Variants in TMEM45B observed in about 807,000 individuals in gnomAD.
The protein encoded by TMEM45B is transmembrane protein 45B.
In TMEM45B, 29 loss-of-function variants were observed where a neutral mutation model predicts 27.3. That is an observed-to-expected ratio of 1.06 (90% confidence interval 0.79 to 1.45). The LOEUF is 1.45. TMEM45B is among the 40% of genes most tolerant of loss of function. TMEM45B has a pLI of 0.00. For missense variants in TMEM45B, 348 were observed against 343.9 expected, an observed-to-expected ratio of 1.01 and a Z score of -0.09; for synonymous variants, 143 against 134.7, an observed-to-expected ratio of 1.06 and a Z score of -0.43.
At chr11:129,830,969 G>A (rs999791321) in intron 1 of TMEM45B, among the ~76,000 whole-genome samples, 2 of 152,236 alleles carry the variant, frequency 1.3e-5, no homozygotes, top group African/African-American at 4.8e-5. Context: ...TTTATCTGCA[G>A]GGGATATGTT....
At chr11:129,847,407 A>ATTTTTTTTTAT (rs1947775248) in intron 1 of TMEM45B, among the ~76,000 whole-genome samples, 1 of 67,882 alleles carries the variant, frequency 1.5e-5, no homozygotes. Context: ...TTATGAAGTT[A>ATTTTTTTTTAT]TTTTTTTTTA....
chr11:129,832,596 T>C lies in TMEM45B; in HGVS notation c.-9+16698T>C, dbSNP rs949521540. ...AATTTGTATGGGATTTCGTGGGGGG[T>C]TGGTAAAAGCATTTTAAAATTGAAT... On this transcript the variant is annotated intron_variant, in intron 1 of 5. Coordinates refer to ENST00000281441, the MANE Select transcript of TMEM45B (RefSeq NM_138788.5). Among the ~76,000 whole-genome samples the C allele has an allele frequency of 4.9e-5, 7 of 142,938 alleles. No individual in the cohort carries two copies. The Admixed American group carries it at 5.1e-4, about 10-fold the overall frequency. 93.8% of individuals were successfully genotyped at this position (142,938 alleles called of 152,430 possible). A position where few individuals can be genotyped will look rare whatever the true frequency, so the allele number is the denominator to read the frequency against.
intron 1 of TMEM45B, among the ~76,000 whole-genome samples, chr11:129,844,161 A>C (rs1331279455): frequency 6.6e-6 from 1 of 152,218 alleles, no homozygotes; most frequent in Non-Finnish European, 1.5e-5. Flanking sequence ...ACATGGATGA[A>C]CCTTGAAGAC....
At chr11:129,819,251 A>G (rs1184775381) in intron 1 of TMEM45B, among the ~76,000 whole-genome samples, 2 of 152,244 alleles carry the variant, frequency 1.3e-5, no homozygotes, top group African/African-American at 4.8e-5. Context: ...AAAAAGTGTG[A>G]GATGTCATTA....
chr11:129,836,513 A>G (rs1009038367), intron 1 of TMEM45B, among the ~76,000 whole-genome samples: 2 of 152,140 alleles, frequency 1.3e-5, no homozygotes, highest in African/African-American at 2.4e-5. Flanking sequence ...TCCAAATTCA[A>G]ATGTTGAAGT....
At position 129,852,645 on chromosome 11, in the gene TMEM45B, T is replaced by C; in HGVS notation, c.163T>C (p.Leu55=). Residue 55 remains leucine, a synonymous_variant, in exon 2 of 6, where the codon TTG becomes CTG. Coordinates refer to ENST00000281441, the MANE Select transcript of TMEM45B (RefSeq NM_138788.5). ...LEIVEAAIRT[L]FSVTGILAEQ... is the part of the protein sequence containing the mutation. ...GATCGTCGAAGCCGCAATTAGGACT[T>C]TGTTTTCCGTCACTGGTAAGAGCAG... 16 of 1,606,056 alleles carry C rather than the reference T, an allele frequency of 1.0e-5. No individual in the cohort carries two copies. The highest frequency in any genetic ancestry group is 1.4e-5 in the Non-Finnish European group (16 of 1,173,220).
chr11:129,842,548 G>A (rs1460870013), intron 1 of TMEM45B, among the ~76,000 whole-genome samples: 3 of 152,108 alleles, frequency 2.0e-5, no homozygotes, highest in Non-Finnish European at 4.4e-5. Flanking sequence ...GGAAAGAATA[G>A]TATCTTCAAT....
At chr11:129,849,196 A>G (rs1947809861) in intron 1 of TMEM45B, among the ~76,000 whole-genome samples, 2 of 152,240 alleles carry the variant, frequency 1.3e-5, no homozygotes, top group South Asian at 4.1e-4. Flanking sequence ...GATAAATTTC[A>G]TCCTGAGGCA....
At chr11:129,848,291 A>G (rs1320858755) in intron 1 of TMEM45B, among the ~76,000 whole-genome samples, 1 of 152,114 alleles carries the variant, frequency 6.6e-6, no homozygotes, top group Non-Finnish European at 1.5e-5. Context: ...CTGGCGGATC[A>G]CTCGCGGTTA....
rs191524662 is a variant in TMEM45B at position 129,832,726 on chromosome 11, C to G, written c.-9+16828C>G. ...CCTTAAAAGGGTAAATTTTACGGTACGTAAATTATATGTCATTAGGAGTGG... is the reference window on the plus strand; with the variant it reads ...CCTTAAAAGGGTAAATTTTACGGTAGGTAAATTATATGTCATTAGGAGTGG... On this transcript the variant is annotated intron_variant, in intron 1 of 5. Transcript: ENST00000281441. 9.3e-3 allele frequency among the ~76,000 whole-genome samples: 1,409 copies of G among 151,952 alleles called. 8 individuals carry two copies. Among genetic ancestry groups the G allele is most frequent in the Admixed American group, 0.015 (229 of 15,270 alleles).
intron 1 of TMEM45B, among the ~76,000 whole-genome samples, chr11:129,827,672 G>A (rs1947501948): frequency 1.3e-5 from 2 of 152,112 alleles, no homozygotes; most frequent in African/African-American, 4.8e-5. Flanking sequence ...GCGTGGTGGT[G>A]CGTGCCTGTA....
chr11:129,846,139 T>TA (rs1432206235), intron 1 of TMEM45B, among the ~76,000 whole-genome samples: 2 of 151,932 alleles, frequency 1.3e-5, no homozygotes, highest in South Asian at 2.1e-4. Context: ...GATAAACAAG[T>TA]AAAAAAACAA....
At chr11:129,825,023 C>G (rs185044551) in intron 1 of TMEM45B, among the ~76,000 whole-genome samples, 7 of 152,202 alleles carry the variant, frequency 4.6e-5, no homozygotes, top group Non-Finnish European at 8.8e-5. Context: ...TGCAAGGGGA[C>G]GTGGACCCCT....
chr11:129,830,791 C>T (rs930919592), intron 1 of TMEM45B, among the ~76,000 whole-genome samples: 5 of 152,132 alleles, frequency 3.3e-5, no homozygotes, highest in African/African-American at 1.2e-4. Context: ...TGAAAAAAGA[C>T]ATAACAAGTG....
At chr11:129,819,967 C>T (rs1014546584) in intron 1 of TMEM45B, among the ~76,000 whole-genome samples, 15 of 152,092 alleles carry the variant, frequency 9.9e-5, no homozygotes, top group Non-Finnish European at 8.8e-5. Flanking sequence ...TTAACGGTGA[C>T]GGAACCAGAG....
intron 1 of TMEM45B, among the ~76,000 whole-genome samples, chr11:129,849,906 TG>T (rs1257781886): frequency 3.9e-5 from 6 of 152,260 alleles, no homozygotes; most frequent in South Asian, 4.1e-4. Flanking sequence ...TTCTCCGAAA[TG>T]GCTTTGGAGT....
In TMEM45B at chr11:129,817,476, A is replaced by G. The variant is rs544254969; in HGVS notation, c.-9+1578A>G. Among the ~76,000 whole-genome samples the G allele has an allele frequency of 2.6e-5, 4 of 152,322 alleles. No homozygotes were observed. In the South Asian group the frequency reaches 8.3e-4, roughly 32 times the overall value. The stretch of plus-strand genomic sequence containing the variant: ...TATGGCCCACTGATTTTACAAGTGG[A>G]GGTGACTGAGATAAGCAGAAGGTGA... On this transcript the variant is annotated intron_variant, in intron 1 of 5. Transcript: ENST00000281441.
At chr11:129,854,299 G>A (rs2135602959) in intron 2 of TMEM45B, among the ~76,000 whole-genome samples, 1 of 152,292 alleles carries the variant, frequency 6.6e-6, no homozygotes, top group East Asian at 1.9e-4. Flanking sequence ...ATGATGTCTT[G>A]CTCATCTCTG....
chr11:129,817,608 T>C (rs1200401703), intron 1 of TMEM45B, among the ~76,000 whole-genome samples: 1 of 152,242 alleles, frequency 6.6e-6, no homozygotes, highest in Non-Finnish European at 1.5e-5. Context: ...TTCATGAAGA[T>C]GGAAACAGTG....
Sources: allele counts gnomAD v4.1 joint callset (sites outside exome capture counted in the v4.1 genomes callset), GRCh38; gene constraint gnomAD v4.1.1; transcripts MANE v1.5; gene names NCBI Gene and HGNC (gene_info 2026-07-23, HGNC 2026-07-21).